LHFPL6: variants seen among roughly 807,000 people sequenced by gnomAD.
LHFPL6 encodes LHFPL tetraspan subfamily member 6 protein.
A neutral mutation model predicts 20.6 loss-of-function variants in LHFPL6; 9 were observed. The ratio of observed to expected loss-of-function variants is 0.44; its 90% CI spans 0.26 to 0.76. The LOEUF (loss-of-function observed/expected upper bound fraction) is 0.76. Among genes scored for constraint, LHFPL6 ranks in the 30% least tolerant of loss-of-function variants. The probability of loss-of-function intolerance (pLI) is 0.20; values close to 1 mark genes in which losing one functional copy is unlikely to be tolerated. For missense variants in LHFPL6, 218 were observed against 253.5 expected (o/e 0.86, Z 0.95); for synonymous variants, 105 against 98.7 (o/e 1.06, Z -0.38).
intron 2 of LHFPL6, among the ~76,000 whole-genome samples, chr13:39,509,986 T>C (rs537669243): frequency 2.0e-5 from 3 of 152,216 alleles, no homozygotes; most frequent in African/African-American, 7.2e-5. Context: ...CCAGACGATA[T>C]AAAAGTAACA....
At chr13:39,515,070 G>C (rs1869861169) in intron 2 of LHFPL6, among the ~76,000 whole-genome samples, 1 of 152,236 alleles carries the variant, frequency 6.6e-6, no homozygotes, top group African/African-American at 2.4e-5. Context: ...ATTGGATCCT[G>C]ATGAGACCTG....
At chr13:39,357,755 C>CA (rs977180998) in intron 3 of LHFPL6, among the ~76,000 whole-genome samples, 1 of 151,852 alleles carries the variant, frequency 6.6e-6, no homozygotes, top group African/African-American at 2.4e-5. Flanking sequence ...AAAATAGCCA[C>CA]AAAAAATAAA....
At chr13:39,540,074 T>A (rs1870748571) in intron 2 of LHFPL6, among the ~76,000 whole-genome samples, 4 of 152,158 alleles carry the variant, frequency 2.6e-5, no homozygotes, top group Non-Finnish European at 1.5e-5. Context: ...TCAGATTTTT[T>A]AAAAACCCAC....
rs57933417 is a variant in LHFPL6, at chr13:39,454,628, CAAAAAAAAAAAAAAA to C, written c.386-76117_386-76103del. On this transcript the variant is annotated intron_variant, in intron 2 of 3. Transcript: ENST00000379589. ...TGGGCGACAGAGCGAGACTCCGTCT[CAAAAAAAAAAAAAAA>C]AAAAAAAAAAAAAGAGTTGTAATCA... is the stretch of plus-strand genomic sequence containing the variant. 2.9e-5 allele frequency among the ~76,000 whole-genome samples: 2 copies of C among 68,514 alleles called. 1 individual carries two copies. The highest frequency in any genetic ancestry group is 9.0e-5 in the African/African-American group (2 of 22,138). The allele number at this position is 68,514 out of a possible 152,430, so 44.9% of individuals were successfully genotyped here.
chr13:39,480,333 T>C (rs1868469737), intron 2 of LHFPL6, among the ~76,000 whole-genome samples: 1 of 152,218 alleles, frequency 6.6e-6, no homozygotes, highest in Non-Finnish European at 1.5e-5. Context: ...TACTAGCATC[T>C]TGATACAGAA....
chr13:39,466,983 T>C (rs1361698988), intron 2 of LHFPL6, among the ~76,000 whole-genome samples: 2 of 152,254 alleles, frequency 1.3e-5, no homozygotes. Flanking sequence ...TTGATCTTTG[T>C]TACTTAGTGA....
At chr13:39,594,695 A>T (rs2138551954) in intron 2 of LHFPL6, among the ~76,000 whole-genome samples, 1 of 152,302 alleles carries the variant, frequency 6.6e-6, no homozygotes, top group Middle Eastern at 3.4e-3. Flanking sequence ...CTATTCACAA[A>T]AGCAAAGACT....
chr13:39,433,794 AT>A lies in LHFPL6; in HGVS notation c.386-55269del, dbSNP rs1871878666. 4.6e-5 allele frequency among the ~76,000 whole-genome samples: 7 copies of A among 152,224 alleles called. No homozygotes were observed. In the South Asian group the frequency reaches 1.5e-3, roughly 32 times the overall value. ...TCTTATTCAGCCTAAAAGTATAAGA[AT>A]TCCTATCCATCCCACCCTGGCCCTG... On this transcript the variant is annotated intron_variant, in intron 2 of 3. Coordinates refer to ENST00000379589, the MANE Select transcript of LHFPL6 (RefSeq NM_005780.3).
chr13:39,498,905 G>A lies in LHFPL6; in HGVS notation c.385+101927C>T, dbSNP rs1172342261. ...AGACAAAGCCTTGCTCTGCCATCCA[G>A]GCTGGAGTGCAGTGACGCGATCTCA... On this transcript the variant is annotated intron_variant, in intron 2 of 3. Transcript: ENST00000379589. Among the ~76,000 whole-genome samples the A allele has an allele frequency of 7.9e-5, 12 of 151,976 alleles. 1 individual carries two copies. The highest frequency in any genetic ancestry group is 7.9e-4 in the Admixed American group (12 of 15,262).
chr13:39,582,118 T>C (rs749286260), intron 2 of LHFPL6, among the ~76,000 whole-genome samples: 1 of 152,152 alleles, frequency 6.6e-6, no homozygotes, highest in Non-Finnish European at 1.5e-5. Flanking sequence ...TCCCCTTGCT[T>C]CCTAAATCAG....
chr13:39,380,842 C>T (rs1870419584), intron 2 of LHFPL6, among the ~76,000 whole-genome samples: 1 of 152,078 alleles, frequency 6.6e-6, no homozygotes, highest in Non-Finnish European at 1.5e-5. Context: ...ACTATGCATG[C>T]AAGGGATCTA....
At chr13:39,383,007 G>A (rs1870481317) in intron 2 of LHFPL6, among the ~76,000 whole-genome samples, 1 of 152,146 alleles carries the variant, frequency 6.6e-6, no homozygotes, top group Non-Finnish European at 1.5e-5. Flanking sequence ...AGGATATGTA[G>A]GTAAACATTT....
intron 2 of LHFPL6, among the ~76,000 whole-genome samples, chr13:39,443,277 A>C (rs1338536722): frequency 6.6e-6 from 1 of 152,146 alleles, no homozygotes; most frequent in Non-Finnish European, 1.5e-5. Flanking sequence ...ATGGTATGAC[A>C]CAGCAAGAAG....
chr13:39,494,369 T>C (rs17060057), intron 2 of LHFPL6, among the ~76,000 whole-genome samples: 3,578 of 152,294 alleles, frequency 0.023, 142 homozygotes, highest in African/African-American at 0.081. Context: ...TAAGGACTTG[T>C]TAATAACCCC....
intron 2 of LHFPL6, among the ~76,000 whole-genome samples, chr13:39,558,646 G>A (rs978306543): frequency 1.3e-5 from 2 of 152,318 alleles, no homozygotes; most frequent in East Asian, 1.9e-4. Context: ...TCTGACACAA[G>A]TTTTGGCCTA....
intron 2 of LHFPL6, among the ~76,000 whole-genome samples, chr13:39,434,806 C>T (rs915183848): frequency 6.6e-6 from 1 of 152,110 alleles, no homozygotes; most frequent in African/African-American, 2.4e-5. Flanking sequence ...CCTGTAATCC[C>T]AGCACTTTGG....
At chr13:39,456,662 G>C (rs1033123881) in intron 2 of LHFPL6, among the ~76,000 whole-genome samples, 1 of 152,128 alleles carries the variant, frequency 6.6e-6, no homozygotes, top group African/African-American at 2.4e-5. Flanking sequence ...CTAGATATCT[G>C]CATGGAAAAA....
intron 2 of LHFPL6, among the ~76,000 whole-genome samples, chr13:39,379,362 A>T (rs908740690): frequency 6.6e-5 from 10 of 152,202 alleles, no homozygotes; most frequent in Non-Finnish European, 1.5e-4. Context: ...TTGTTGTGTC[A>T]ATCACAGGTG....
intron 2 of LHFPL6, among the ~76,000 whole-genome samples, chr13:39,463,633 A>G (rs1199070373): frequency 6.6e-6 from 1 of 152,100 alleles, no homozygotes; most frequent in Non-Finnish European, 1.5e-5. Flanking sequence ...GAGGCTCTAC[A>G]GTTGGATGAG....
Sources: allele counts gnomAD v4.1 joint callset (sites outside exome capture counted in the v4.1 genomes callset), GRCh38; gene constraint gnomAD v4.1.1; transcripts MANE v1.5; gene names NCBI Gene and HGNC (gene_info 2026-07-23, HGNC 2026-07-21).